CNTNAP4: variants seen among roughly 807,000 people sequenced by gnomAD.
CNTNAP4 encodes contactin associated protein family member 4.
CNTNAP4 carries 98 observed loss-of-function variants against 148.4 expected under a neutral mutation model. The ratio of observed to expected loss-of-function variants is 0.66; its 90% CI spans 0.56 to 0.78. The LOEUF (loss-of-function observed/expected upper bound fraction) is 0.78. CNTNAP4 is among the 30% of genes least tolerant of loss of function. The pLI, the probability that CNTNAP4 is intolerant of heterozygous loss-of-function variation, is 0.00. For missense variants in CNTNAP4, 1,935 were observed against 1,565.6 expected (o/e 1.24, Z -3.98); for synonymous variants, 730 against 565.1 (o/e 1.29, Z -4.14).
chr16:76,526,090 A>G (rs1030207708), intron 17 of CNTNAP4, among the ~76,000 whole-genome samples: 7 of 151,998 alleles, frequency 4.6e-5, no homozygotes, highest in Non-Finnish European at 7.4e-5. Flanking sequence ...GGGGACTTCT[A>G]TGTCAAGTAG....
At chr16:76,364,376 T>A (rs1448601765) in intron 3 of CNTNAP4, among the ~76,000 whole-genome samples, 1 of 151,886 alleles carries the variant, frequency 6.6e-6, no homozygotes, top group African/African-American at 2.4e-5. Flanking sequence ...AAGCAAAAAA[T>A]TTATTTGAAG....
chr16:76,277,476 G>C lies in CNTNAP4; in HGVS notation c.-187G>C. ...AGAGAGACAGAGACGGGGAGAGAGA[G>C]AGGGAGAGAGAAGAGAGGGAGGAGG... On this transcript the variant is annotated 5_prime_UTR_variant, in exon 1 of 24. Coordinates refer to ENST00000611870, the MANE Select transcript of CNTNAP4 (RefSeq NM_033401.5). 1.7e-6 allele frequency: 1 copy of C among 577,484 alleles called. No individual in the cohort carries two copies. Among genetic ancestry groups the C allele is most frequent in the Non-Finnish European group, 3.1e-6 (1 of 325,104 alleles). The allele number at this position is 577,484 out of a possible 1,614,324, so 35.8% of individuals were successfully genotyped here. A position where few individuals can be genotyped will look rare whatever the true frequency, so the allele number is the denominator to read the frequency against.
At chr16:76,518,855 G>A (rs961629454) in intron 15 of CNTNAP4, among the ~76,000 whole-genome samples, 1 of 151,730 alleles carries the variant, frequency 6.6e-6, no homozygotes, top group African/African-American at 2.4e-5. Context: ...TTCCCCCTCC[G>A]CCATTTCCTG....
At chr16:76,355,725 C>G (rs966649652) in intron 3 of CNTNAP4, among the ~76,000 whole-genome samples, 5 of 151,728 alleles carry the variant, frequency 3.3e-5, no homozygotes, top group South Asian at 4.2e-4. Context: ...TTACAGGGTT[C>G]TCAAAAATTG....
rs1233892187 is a variant in CNTNAP4, at chr16:76,559,466, T to C, written c.*783T>C. Among the ~76,000 whole-genome samples the C allele has an allele frequency of 6.6e-6, 1 of 152,168 alleles. No homozygotes were observed. The highest frequency in any genetic ancestry group is 1.9e-4 in the East Asian group (1 of 5,192). ...TTGATGGTGACAGTACTTAAGACCCTGAGTAATGCCAGTTTCCCAAAGAAT... is the reference window on the plus strand; with the variant it reads ...TTGATGGTGACAGTACTTAAGACCCCGAGTAATGCCAGTTTCCCAAAGAAT... On this transcript the variant is annotated 3_prime_UTR_variant, in exon 24 of 24. Transcript: ENST00000611870.
intron 3 of CNTNAP4, among the ~76,000 whole-genome samples, chr16:76,416,950 T>C (rs965001616): frequency 6.6e-6 from 1 of 151,502 alleles, no homozygotes; most frequent in Admixed American, 6.6e-5. Flanking sequence ...ACTTTGTCTT[T>C]AGGAAATGTT....
At chr16:76,521,097 T>C in intron 15 of CNTNAP4, 43 bp from the exon 16 acceptor site, 1 of 1,512,600 alleles carries the variant, frequency 6.6e-7, no homozygotes, top group Non-Finnish European at 8.9e-7. Context: ...ATGAATTTGT[T>C]TTCTTTCTGA....
Position 76,454,532 on chromosome 16 carries a change from C to G in CNTNAP4, c.1333+1763C>G, listed in dbSNP as rs545667101. On this transcript the variant is annotated intron_variant, in intron 8 of 23. Coordinates refer to ENST00000611870, the MANE Select transcript of CNTNAP4 (RefSeq NM_033401.5). The stretch of plus-strand genomic sequence containing the variant: ...AGGATACTAGACTAAATATGAATGT[C>G]AGTACACTGAGGATAACACAAGTAG... 4.6e-5 allele frequency among the ~76,000 whole-genome samples: 7 copies of G among 152,268 alleles called. No individual in the cohort carries two copies. In the South Asian group the frequency reaches 1.5e-3, roughly 32 times the overall value.
intron 21 of CNTNAP4, among the ~76,000 whole-genome samples, chr16:76,552,529 C>T (rs1006813874): frequency 6.6e-5 from 10 of 152,112 alleles, no homozygotes; most frequent in South Asian, 4.1e-4. Context: ...AACCAATCTC[C>T]GTTCCACAAG....
At chr16:76,340,013 A>C (rs7197404) in intron 2 of CNTNAP4, among the ~76,000 whole-genome samples, 2,000 of 152,292 alleles carry the variant, frequency 0.013, 36 homozygotes, top group African/African-American at 0.045. Flanking sequence ...GTATAATTCA[A>C]ATAAAATTGT....
At chr16:76,372,429 TG>T (rs1220372293) in intron 3 of CNTNAP4, among the ~76,000 whole-genome samples, 5 of 152,014 alleles carry the variant, frequency 3.3e-5, no homozygotes, top group African/African-American at 1.2e-4. Context: ...ATTACAGGCG[TG>T]GGCCACCGTG....
At chr16:76,348,616 T>C (rs1384319017) in intron 2 of CNTNAP4, among the ~76,000 whole-genome samples, 1 of 152,120 alleles carries the variant, frequency 6.6e-6, no homozygotes, top group Non-Finnish European at 1.5e-5. Context: ...CAAAGTCTAT[T>C]TGGGCATTGA....
At chr16:76,495,127 A>C in intron 14 of CNTNAP4, 61 bp downstream of exon 14, 1 of 1,558,668 alleles carries the variant, frequency 6.4e-7, no homozygotes, top group Non-Finnish European at 8.8e-7. Context: ...TAATCACTCA[A>C]AGTATGTATA....
Position 76,498,644 on chromosome 16 carries a change from T to G in CNTNAP4, c.2315T>G (p.Leu772Arg). The G allele has an allele frequency of 6.2e-7, 1 of 1,613,046 alleles. No homozygotes were observed. The change falls in exon 15 of 24, where the codon CTG becomes CGG. Residue 772 changes from leucine (L) to arginine (R), a missense_variant. By Grantham distance (102) the Leu-to-Arg change is moderately radical (BLOSUM62 -2). Coordinates refer to ENST00000611870, the MANE Select transcript of CNTNAP4 (RefSeq NM_033401.5). ...TKIVITDTGR[L>R]HSEAAYKLGP... The stretch of plus-strand genomic sequence containing the variant: ...ATCGTGATTACAGACACAGGCCGAC[T>G]GCATTCAGAAGCAGCTTATAAACTG...
chr16:76,367,892 A>G (rs1206222929), intron 3 of CNTNAP4, among the ~76,000 whole-genome samples: 1 of 152,164 alleles, frequency 6.6e-6, no homozygotes, highest in African/African-American at 2.4e-5. Flanking sequence ...TGTAGCTGGT[A>G]TCTTATCAGT....
intron 10 of CNTNAP4, among the ~76,000 whole-genome samples, chr16:76,468,451 GCGACAGAGCGAGACT>G: frequency 6.6e-6 from 1 of 152,186 alleles, no homozygotes; most frequent in South Asian, 2.1e-4. Context: ...TCCAGCCTGG[GCGACAGAGCGAGACT>G]CTGGCTCAAA....
rs191704814 is a variant in CNTNAP4, at chr16:76,480,758, C to T, written c.1882+1220C>T. On this transcript the variant is annotated intron_variant, in intron 12 of 23. Coordinates refer to ENST00000611870, the MANE Select transcript of CNTNAP4 (RefSeq NM_033401.5). ...TCTCAAAAAAAGAAAAAAATATGTT[C>T]GTTGATTAGAAGACTCAATATTGTA... 4.9e-4 allele frequency among the ~76,000 whole-genome samples: 74 copies of T among 152,012 alleles called. 1 individual carries two copies. Among genetic ancestry groups the T allele is most frequent in the African/African-American group, 1.7e-3 (69 of 41,482 alleles).
Position 76,522,140 on chromosome 16 carries a change from A to G in CNTNAP4, c.2638A>G (p.Arg880Gly). 1 of 1,613,948 alleles carries G rather than the reference A, an allele frequency of 6.2e-7. No individual in the cohort carries two copies. Among genetic ancestry groups the G allele is most frequent in the Non-Finnish European group, 8.5e-7 (1 of 1,179,884 alleles). ...HFNDNQWHHVRVERNMKEASL... is the reference protein window; with the variant it reads ...HFNDNQWHHVGVERNMKEASL... ...CAACGACAACCAGTGGCACCATGTG[A>G]GGGTTGAAAGGAACATGAAGGAGGC... is the stretch of plus-strand genomic sequence containing the variant. Residue 880 changes from arginine (R) to glycine (G), a missense_variant, in exon 17 of 24, where the codon AGG becomes GGG. Physicochemically the swap from Arg to Gly is moderately radical, Grantham distance 125 (BLOSUM62 -2). Coordinates refer to ENST00000611870, the MANE Select transcript of CNTNAP4 (RefSeq NM_033401.5).
At chr16:76,464,245 T>C (rs549025679) in intron 9 of CNTNAP4, among the ~76,000 whole-genome samples, 50 of 152,164 alleles carry the variant, frequency 3.3e-4, no homozygotes, top group Non-Finnish European at 6.3e-4. Flanking sequence ...GAAAGGGTTC[T>C]AAGTGGACAC....
Sources: allele counts gnomAD v4.1 joint callset (sites outside exome capture counted in the v4.1 genomes callset), GRCh38; gene constraint gnomAD v4.1.1; transcripts MANE v1.5; gene names NCBI Gene and HGNC (gene_info 2026-07-23, HGNC 2026-07-21).